TSPEAR: variants seen among roughly 807,000 people sequenced by gnomAD.
The protein encoded by TSPEAR is thrombospondin type laminin G domain and EAR repeats, also known as thrombospondin-type laminin G domain and EAR repeat-containing protein.
Under a neutral mutation model 71.6 loss-of-function variants are expected in TSPEAR, and 69 were observed. The ratio of observed to expected loss-of-function variants is 0.96; its 90% CI spans 0.79 to 1.18. The LOEUF (loss-of-function observed/expected upper bound fraction) is 1.18. TSPEAR is among the 50% of genes most tolerant of loss of function. TSPEAR has a pLI of 0.00. For missense variants in TSPEAR, 971 were observed against 894.9 expected (o/e 1.09, Z -1.09); for synonymous variants, 402 against 387.2 (o/e 1.04, Z -0.45).
intron 9 of TSPEAR, chr21:44,517,859 T>A: frequency 2.1e-6 from 1 of 471,128 alleles, no homozygotes; most frequent in Non-Finnish European, 4.4e-6. Context: ...GCTCTCGCGC[T>A]CCTTGGGCTC....
At chr21:44,663,028 T>G (rs1399753455) in intron 1 of TSPEAR, among the ~76,000 whole-genome samples, 1 of 151,642 alleles carries the variant, frequency 6.6e-6, no homozygotes, top group Non-Finnish European at 1.5e-5. Context: ...AGTCCTGAAA[T>G]CAATTATCTA....
rs1265436462 is a variant in TSPEAR, at chr21:44,612,697, C to T, written c.83-44692G>A. On this transcript the variant is annotated intron_variant, in intron 1 of 11. Coordinates refer to ENST00000323084, the MANE Select transcript of TSPEAR (RefSeq NM_144991.3). The surrounding 1 kb of genome is among the most constrained non-coding windows in gnomAD (Gnocchi z 4.1). ...CTAGCTGCCAGCCGGCTTGCTGCAC[C>T]ACCTCCTGCTGCAGACCCTCCTCCT... 15 of 1,613,802 alleles carry T rather than the reference C, an allele frequency of 9.3e-6. No individual in the cohort carries two copies. Among genetic ancestry groups the T allele is most frequent in the Non-Finnish European group, 1.3e-5 (15 of 1,179,936 alleles).
Position 44,710,412 on chromosome 21 carries a change from G to GCCCCCC in TSPEAR, c.82+1020_82+1021insGGGGGG, listed in dbSNP as rs1988158311. ...TCCCTGGGTGGGCAGGCACGTTTAT[G>GCCCCCC]ACCCCCACCCCCACCCCCACCCCCC... On this transcript the variant is annotated intron_variant, in intron 1 of 11. Coordinates refer to ENST00000323084, the MANE Select transcript of TSPEAR (RefSeq NM_144991.3). This position sits in a 1 kb window ranked among gnomAD's most constrained non-coding sequence, Gnocchi z 4.6. Among the ~76,000 whole-genome samples, 1 of 150,486 alleles carries GCCCCCC rather than the reference G, an allele frequency of 6.6e-6. No homozygotes were observed.
chr21:44,558,770 T>C (rs952972171), intron 2 of TSPEAR: 1 of 1,552,372 alleles, frequency 6.4e-7, no homozygotes, highest in Non-Finnish European at 8.7e-7. Flanking sequence ...AGTGTGGGAG[T>C]GAGTGAGGGA....
rs587629129 is a variant in TSPEAR at position 44,572,972 on chromosome 21, T to C, written c.83-4967A>G. ...CAAAGATAGCAGCAGCCCACAGGAG[T>C]GAGGGGAGCGGGGTGAGACAGTGCC... On this transcript the variant is annotated intron_variant, in intron 1 of 11. Transcript: ENST00000323084. 2.7e-5 allele frequency among the ~76,000 whole-genome samples: 4 copies of C among 146,180 alleles called. No homozygotes were observed. The East Asian group carries it at 8.2e-4, about 30-fold the overall frequency.
At chr21:44,637,796 TG>T (rs1293008000) in intron 1 of TSPEAR, 4 of 1,361,960 alleles carry the variant, frequency 2.9e-6, no homozygotes, top group Non-Finnish European at 4.0e-6. Flanking sequence ...CCCTTCATGC[TG>T]CCAGCAGTCT....
chr21:44,671,632 G>A (rs587747570), intron 1 of TSPEAR, among the ~76,000 whole-genome samples: 90 of 152,262 alleles, frequency 5.9e-4, no homozygotes, highest in African/African-American at 2.0e-3. Flanking sequence ...CTAAACTACT[G>A]CATGCACCCA....
At chr21:44,558,232 A>G in intron 2 of TSPEAR, 1 of 1,613,330 alleles carries the variant, frequency 6.2e-7, no homozygotes, top group Non-Finnish European at 8.5e-7. Context: ...ACGGGGCGGC[A>G]GAGGAGGGAC....
intron 1 of TSPEAR, among the ~76,000 whole-genome samples, chr21:44,587,972 T>TA (rs1191177219): frequency 1.3e-5 from 2 of 152,196 alleles, no homozygotes; most frequent in African/African-American, 4.8e-5. Context: ...AGGCAAGGAT[T>TA]TCATGACCAA....
chr21:44,660,098 A>T (rs1555943367), intron 1 of TSPEAR, among the ~76,000 whole-genome samples: 1 of 152,194 alleles, frequency 6.6e-6, no homozygotes, highest in East Asian at 1.9e-4. Flanking sequence ...AAAGAGAAAG[A>T]GAAAGAGAAG....
In TSPEAR at chr21:44,530,453, C is replaced by T. The variant is rs185314763; in HGVS notation, c.634-499G>A. ...CATCTTTCTCTCCATCTGTTCATCT[C>T]TCCACGCATCCATCCCTCCATCCAT... On this transcript the variant is annotated intron_variant, in intron 4 of 11. Transcript: ENST00000323084. Among the ~76,000 whole-genome samples, 39 of 152,044 alleles carry T rather than the reference C, an allele frequency of 2.6e-4. No individual in the cohort carries two copies. The East Asian group carries it at 7.3e-3, about 29-fold the overall frequency.
chr21:44,503,369 C>A (rs1323274851), intron 11 of TSPEAR, among the ~76,000 whole-genome samples: 2 of 127,264 alleles, frequency 1.6e-5, no homozygotes, highest in African/African-American at 6.0e-5. Flanking sequence ...AGGAAGCCGG[C>A]CTCGGTGAGC....
intron 1 of TSPEAR, among the ~76,000 whole-genome samples, chr21:44,693,663 G>C (rs1201724686): frequency 1.4e-5 from 2 of 147,444 alleles, no homozygotes; most frequent in Non-Finnish European, 3.0e-5. Context: ...TTTTTTTAAA[G>C]GAAAATAACA....
Position 44,710,539 on chromosome 21 carries a change from G to A in TSPEAR, c.82+894C>T, listed in dbSNP as rs112705112. Among the ~76,000 whole-genome samples the A allele has an allele frequency of 2.6e-5, 4 of 151,942 alleles. No homozygotes were observed. Among genetic ancestry groups the A allele is most frequent in the East Asian group, 3.9e-4 (2 of 5,166 alleles). On this transcript the variant is annotated intron_variant, in intron 1 of 11. Coordinates refer to ENST00000323084, the MANE Select transcript of TSPEAR (RefSeq NM_144991.3). This position sits in a 1 kb window ranked among gnomAD's most constrained non-coding sequence, Gnocchi z 4.6. ...GAGCAGAGAGCTGTGGCCCGGTGCC[G>A]GGGGTGGACTTCATCTATTCCAGGG...
intron 9 of TSPEAR, among the ~76,000 whole-genome samples, chr21:44,511,326 C>T (rs587662973): frequency 2.6e-5 from 4 of 151,764 alleles, no homozygotes; most frequent in African/African-American, 7.2e-5. Flanking sequence ...CGCCTGCATG[C>T]ATGCATACAC....
chr21:44,565,104 C>T (rs1347120187), intron 2 of TSPEAR, among the ~76,000 whole-genome samples: 2 of 151,470 alleles, frequency 1.3e-5, no homozygotes, highest in South Asian at 2.1e-4. Context: ...AAAATGAAAC[C>T]CAAAATACCA....
intron 1 of TSPEAR, chr21:44,658,295 T>G (rs1601538770): frequency 6.2e-7 from 1 of 1,606,634 alleles, no homozygotes; most frequent in African/African-American, 1.3e-5. Flanking sequence ...TACACGGGGG[T>G]ACACACCTGT....
chr21:44,657,665 C>G (rs1985229332), intron 1 of TSPEAR, among the ~76,000 whole-genome samples: 1 of 152,158 alleles, frequency 6.6e-6, no homozygotes, highest in Admixed American at 6.5e-5. Context: ...TACTTTGAGT[C>G]GAGCCAGTGG....
In TSPEAR at chr21:44,573,731, C is replaced by T. The variant is rs782487495; in HGVS notation, c.83-5726G>A. 22 of 1,600,878 alleles carry T rather than the reference C, an allele frequency of 1.4e-5. No individual in the cohort carries two copies. In the African/African-American group the frequency reaches 1.5e-4, roughly 11 times the overall value. On this transcript the variant is annotated intron_variant, in intron 1 of 11. Transcript: ENST00000323084. ...ACCCACTCCCTCCCATCTCCCCCAG[C>T]TCAACCCCCAGCACAGCAGCATCCA...
Sources: gnomAD v4.1 joint callset for allele counts (sites outside exome capture counted in the v4.1 genomes callset) on GRCh38, gnomAD v4.1.1 for gene constraint, Gnocchi (gnomAD v3.1) non-coding constraint, MANE v1.5 for transcripts, NCBI Gene and HGNC (gene_info 2026-07-23, HGNC 2026-07-21) for gene names.